Variants in MDGA2 observed in about 807,000 individuals in gnomAD.
MDGA2 encodes the protein MAM domain containing glycosylphosphatidylinositol anchor 2, also known as MAM domain-containing glycosylphosphatidylinositol anchor protein 2.
A neutral mutation model predicts 117.8 loss-of-function variants in MDGA2; 40 were observed. The observed-to-expected ratio is 0.34, with a 90% CI of 0.26 to 0.44. The LOEUF (loss-of-function observed/expected upper bound fraction) is 0.44. Ranked by LOEUF, MDGA2 falls within the 20% of genes least tolerant of loss-of-function variation. MDGA2 has a pLI of 1.00. For synonymous variants in MDGA2, 452 were observed against 439.0 expected, an observed-to-expected ratio of 1.03 and a Z score of -0.37; for missense variants, 1,123 against 1,250.6, an observed-to-expected ratio of 0.90 and a Z score of 1.54.
chr14:47,441,797 T>G (rs886896939), intron 1 of MDGA2, among the ~76,000 whole-genome samples: 1 of 152,142 alleles, frequency 6.6e-6, no homozygotes, highest in Non-Finnish European at 1.5e-5. Context: ...AACCAGTACT[T>G]GAAGTTTTAG....
chr14:46,899,489 T>C (rs919259910), intron 10 of MDGA2, among the ~76,000 whole-genome samples: 1 of 151,966 alleles, frequency 6.6e-6, no homozygotes, highest in African/African-American at 2.4e-5. Context: ...CACAGAAATA[T>C]ATTACTGCCC....
intron 1 of MDGA2, among the ~76,000 whole-genome samples, chr14:47,573,858 G>A (rs2138826466): frequency 6.6e-6 from 1 of 152,250 alleles, no homozygotes; most frequent in South Asian, 2.1e-4. Context: ...ATTGTAGAAT[G>A]CTGCTGTTTT....
chr14:47,101,774 T>C (rs950271385), intron 5 of MDGA2, among the ~76,000 whole-genome samples: 2 of 152,154 alleles, frequency 1.3e-5, no homozygotes, highest in Non-Finnish European at 2.9e-5. Context: ...GAATTCCAAA[T>C]TGATAAAGTT....
intron 2 of MDGA2, among the ~76,000 whole-genome samples, chr14:47,295,950 A>G (rs577433038): frequency 8.5e-4 from 129 of 151,048 alleles, no homozygotes; most frequent in African/African-American, 2.8e-3. Flanking sequence ...AGATAGATAG[A>G]TAGATAGATA....
At chr14:46,966,491 T>A (rs2138306375) in intron 8 of MDGA2, among the ~76,000 whole-genome samples, 1 of 152,356 alleles carries the variant, frequency 6.6e-6, no homozygotes, top group Admixed American at 6.5e-5. Flanking sequence ...AGAAAAGTCA[T>A]GCTTTGTGGA....
intron 1 of MDGA2, among the ~76,000 whole-genome samples, chr14:47,313,602 T>C (rs2139849785): frequency 6.6e-6 from 1 of 152,304 alleles, no homozygotes; most frequent in South Asian, 2.1e-4. Flanking sequence ...CAACTCAAAA[T>C]GTACTTTCAA....
At chr14:47,656,662 A>G (rs911433728) in intron 1 of MDGA2, among the ~76,000 whole-genome samples, 1 of 152,168 alleles carries the variant, frequency 6.6e-6, no homozygotes, top group African/African-American at 2.4e-5. Context: ...TGTACCTCCT[A>G]TGGGAGTGGG....
intron 3 of MDGA2, among the ~76,000 whole-genome samples, chr14:47,199,829 A>G (rs1343684665): frequency 2.0e-5 from 3 of 152,170 alleles, no homozygotes; most frequent in Admixed American, 2.0e-4. Context: ...AAGTTTTAGA[A>G]CAACATAATG....
At chr14:47,627,360 G>A (rs1897166324) in intron 1 of MDGA2, among the ~76,000 whole-genome samples, 1 of 150,052 alleles carries the variant, frequency 6.7e-6, no homozygotes, top group African/African-American at 2.5e-5. Flanking sequence ...GGCACTCTGT[G>A]TCTAGTTAAT....
intron 1 of MDGA2, among the ~76,000 whole-genome samples, chr14:47,491,421 C>T (rs1451692080): frequency 6.6e-6 from 1 of 152,030 alleles, no homozygotes; most frequent in African/African-American, 2.4e-5. Context: ...TGAACTTTAT[C>T]CTATTTGAAG....
chr14:47,201,829 C>T (rs1885519517), intron 3 of MDGA2, among the ~76,000 whole-genome samples: 1 of 152,174 alleles, frequency 6.6e-6, no homozygotes, highest in South Asian at 2.1e-4. Flanking sequence ...CTCTGCTTTA[C>T]ATCATTTATC....
intron 10 of MDGA2, among the ~76,000 whole-genome samples, chr14:46,900,413 C>T (rs1485841781): frequency 6.6e-6 from 1 of 152,118 alleles, no homozygotes; most frequent in Non-Finnish European, 1.5e-5. Context: ...TACATGAATG[C>T]TTATAGTACC....
At position 46,842,013 on chromosome 14, in the gene MDGA2, A is replaced by G. The variant is rs1880635536; in HGVS notation, c.2996T>C (p.Val999Ala). 6.2e-7 allele frequency: 1 copy of G among 1,609,502 alleles called. No homozygotes were observed. The highest frequency in any genetic ancestry group is 1.3e-5 in the African/African-American group (1 of 74,782). The change falls in exon 17 of 17, where the codon GTT becomes GCT. Residue 999 changes from valine (V) to alanine (A), a missense_variant. Val to Ala is a moderately conservative substitution (Grantham distance 64, BLOSUM62 0). This residue lies in a region of MDGA2 where 890 missense variants were observed against 1,050.3 expected (regional missense o/e 0.85). Coordinates refer to ENST00000399232, the MANE Select transcript of MDGA2 (RefSeq NM_001113498.3). ...AKQDLATKNSVDGAVGILVHI... is the reference protein window; with the variant it reads ...AKQDLATKNSADGAVGILVHI... ...AACCAAAATCCCAACAGCACCATCA[A>G]CGGAATCTAAAGATAAGGAAAATAA...
chr14:47,356,792 C>G (rs1017827530), intron 1 of MDGA2, among the ~76,000 whole-genome samples: 1 of 152,122 alleles, frequency 6.6e-6, no homozygotes, highest in African/African-American at 2.4e-5. Flanking sequence ...CCCTCCTTGC[C>G]TTTGACCTCA....
chr14:47,413,094 T>G (rs1892406031), intron 1 of MDGA2, among the ~76,000 whole-genome samples: 1 of 152,198 alleles, frequency 6.6e-6, no homozygotes, highest in Non-Finnish European at 1.5e-5. Flanking sequence ...TCCATCAGGC[T>G]AATTAATATT....
At chr14:47,128,581 T>A (rs1882022737) in intron 5 of MDGA2, among the ~76,000 whole-genome samples, 2 of 152,196 alleles carry the variant, frequency 1.3e-5, no homozygotes, top group African/African-American at 4.8e-5. Flanking sequence ...ACCTGTTTAT[T>A]CTTGTTTCTC....
rs549458112 is a variant in MDGA2, at chr14:47,594,761, A to G, written c.280+79756T>C. Among the ~76,000 whole-genome samples the G allele has an allele frequency of 2.1e-3, 323 of 152,348 alleles. 1 individual carries two copies. The highest frequency in any genetic ancestry group is 3.4e-3 in the Non-Finnish European group (233 of 68,026). On this transcript the variant is annotated intron_variant, in intron 1 of 16. Transcript: ENST00000399232. ...AGGTGCCATGCACCCTTTCATTTTT[A>G]AACCAATATGTATTGAGTGCCAACT... is the stretch of plus-strand genomic sequence containing the variant.
intron 10 of MDGA2, among the ~76,000 whole-genome samples, chr14:46,889,804 C>G (rs368075276): frequency 6.6e-6 from 1 of 152,040 alleles, no homozygotes; most frequent in Admixed American, 6.6e-5. Context: ...TACTTGAGGG[C>G]TCCCCCAAGT....
At chr14:46,959,074 A>C (rs1360698772) in intron 8 of MDGA2, among the ~76,000 whole-genome samples, 1 of 152,170 alleles carries the variant, frequency 6.6e-6, no homozygotes, top group African/African-American at 2.4e-5. Flanking sequence ...AAAAAAGTTA[A>C]AAGTTTTAGA....
Sources: gnomAD v4.1 joint callset for allele counts (sites outside exome capture counted in the v4.1 genomes callset) on GRCh38, gnomAD v4.1.1 for gene constraint, gnomAD v4.1.1 regional missense constraint, MANE v1.5 for transcripts, NCBI Gene and HGNC (gene_info 2026-07-23, HGNC 2026-07-21) for gene names.